Variants in GSK3B observed in about 807,000 individuals in gnomAD.
GSK3B encodes the protein glycogen synthase kinase 3 beta.
Under a neutral mutation model 56.4 loss-of-function variants are expected in GSK3B, and 15 were observed. The ratio of observed to expected loss-of-function variants is 0.27; its 90% CI spans 0.18 to 0.41. The LOEUF is 0.41. Among genes scored for constraint, GSK3B ranks in the 10% least tolerant of loss-of-function variants. GSK3B has a pLI of 1.00. For missense variants in GSK3B, 300 were observed against 513.4 expected, an observed-to-expected ratio of 0.58 and a Z score of 4.02; for synonymous variants, 181 against 188.9, an observed-to-expected ratio of 0.96 and a Z score of 0.34.
chr3:119,969,327 A>C (rs542417261), intron 2 of GSK3B, among the ~76,000 whole-genome samples: 111 of 152,154 alleles, frequency 7.3e-4, no homozygotes, highest in African/African-American at 2.7e-3. Flanking sequence ...GAAAACTATA[A>C]AACTGTTACC....
intron 3 of GSK3B, among the ~76,000 whole-genome samples, chr3:119,944,232 C>T (rs554505372): frequency 6.6e-6 from 1 of 152,204 alleles, no homozygotes; most frequent in South Asian, 2.1e-4. Context: ...TCACTGATCT[C>T]CCTCCCATAA....
chr3:119,915,981 A>G (rs2056776331), intron 5 of GSK3B, 63 bp downstream of exon 5: 1 of 1,167,634 alleles, frequency 8.6e-7, no homozygotes, highest in Admixed American at 2.0e-5. Context: ...GAATATATTT[A>G]AAAGAAGATA....
intron 2 of GSK3B, among the ~76,000 whole-genome samples, chr3:119,962,375 C>CAAAAAAAAAA (rs71156779): frequency 8.3e-6 from 1 of 120,480 alleles, no homozygotes; most frequent in Admixed American, 8.2e-5. Context: ...AACTCTGTCT[C>CAAAAAAAAAA]AAAAAAAAAA....
intron 2 of GSK3B, among the ~76,000 whole-genome samples, chr3:119,955,974 A>G (rs542171536): frequency 1.3e-5 from 2 of 152,260 alleles, no homozygotes; most frequent in South Asian, 2.1e-4. Context: ...TTTACACAAG[A>G]TATTTGTTTT....
At chr3:119,931,703 G>A (rs1028569708) in intron 3 of GSK3B, among the ~76,000 whole-genome samples, 4 of 152,096 alleles carry the variant, frequency 2.6e-5, no homozygotes, top group African/African-American at 7.2e-5. Flanking sequence ...TGGGAGGCAG[G>A]AGCTGAAAAC....
intron 9 of GSK3B, among the ~76,000 whole-genome samples, chr3:119,850,965 A>G (rs2055922602): frequency 6.6e-6 from 1 of 152,216 alleles, no homozygotes; most frequent in African/African-American, 2.4e-5. Flanking sequence ...ACCTAGAGAC[A>G]TGGTTTAAAA....
intron 7 of GSK3B, among the ~76,000 whole-genome samples, chr3:119,898,521 T>C (rs893442847): frequency 6.6e-6 from 1 of 152,140 alleles, no homozygotes; most frequent in Non-Finnish European, 1.5e-5. Context: ...ACAATATACA[T>C]ATAATAAGTA....
chr3:120,088,372 CAG>C (rs1264530413), intron 1 of GSK3B, among the ~76,000 whole-genome samples: 1 of 152,142 alleles, frequency 6.6e-6, no homozygotes, highest in Non-Finnish European at 1.5e-5. Flanking sequence ...CAGAAAATCT[CAG>C]GGAAAACAAA....
intron 2 of GSK3B, among the ~76,000 whole-genome samples, chr3:119,980,375 A>T (rs2057448398): frequency 6.6e-6 from 1 of 152,030 alleles, no homozygotes; most frequent in Non-Finnish European, 1.5e-5. Context: ...TTTTTAAGAC[A>T]GAGTTTCGCT....
intron 8 of GSK3B, among the ~76,000 whole-genome samples, chr3:119,874,376 T>A (rs186173249): frequency 1.3e-5 from 2 of 152,160 alleles, no homozygotes; most frequent in Non-Finnish European, 2.9e-5. Flanking sequence ...CAATAACTAA[T>A]AATAAAATAG....
intron 3 of GSK3B, among the ~76,000 whole-genome samples, chr3:119,925,650 T>C (rs188806735): frequency 6.6e-6 from 1 of 152,280 alleles, no homozygotes; most frequent in East Asian, 1.9e-4. Flanking sequence ...GCATTAATTA[T>C]TCCGTGTGGA....
intron 1 of GSK3B, among the ~76,000 whole-genome samples, chr3:120,079,877 T>C (rs1429152153): frequency 6.6e-6 from 1 of 152,210 alleles, no homozygotes; most frequent in Admixed American, 6.5e-5. Flanking sequence ...AATTGTACCC[T>C]ATACCAGCCA....
chr3:120,078,517 T>G (rs993392907), intron 1 of GSK3B, among the ~76,000 whole-genome samples: 1 of 151,374 alleles, frequency 6.6e-6, no homozygotes, highest in Non-Finnish European at 1.5e-5. Flanking sequence ...AGCAGAAATA[T>G]CAGAAATATC....
intron 3 of GSK3B, among the ~76,000 whole-genome samples, chr3:119,942,295 T>A (rs1308151387): frequency 2.0e-5 from 3 of 152,146 alleles, no homozygotes; most frequent in Non-Finnish European, 1.5e-5. Flanking sequence ...ACACAGTTTT[T>A]ATTTTTATTT....
At chr3:119,957,576 A>G (rs2057227760) in intron 2 of GSK3B, among the ~76,000 whole-genome samples, 1 of 152,252 alleles carries the variant, frequency 6.6e-6, no homozygotes, top group African/African-American at 2.4e-5. Context: ...ACACAACAGC[A>G]TATTATTATT....
intron 1 of GSK3B, among the ~76,000 whole-genome samples, chr3:120,085,458 C>G (rs956620794): frequency 1.3e-5 from 2 of 152,178 alleles, no homozygotes; most frequent in African/African-American, 4.8e-5. Context: ...TACTCAAAAT[C>G]TAGCATTAGA....
At chr3:119,899,824 C>T (rs1421134305) in intron 7 of GSK3B, among the ~76,000 whole-genome samples, 1 of 152,048 alleles carries the variant, frequency 6.6e-6, no homozygotes, top group Non-Finnish European at 1.5e-5. Context: ...TTCCCCTTCC[C>T]TTAATTCTAT....
chr3:119,866,304 T>C (rs1448790011), intron 8 of GSK3B, among the ~76,000 whole-genome samples: 8 of 152,204 alleles, frequency 5.3e-5, no homozygotes, highest in Admixed American at 5.2e-4. Flanking sequence ...TTTGGTTTCA[T>C]GGATCTTCAT....
intron 7 of GSK3B, among the ~76,000 whole-genome samples, chr3:119,897,420 A>C (rs144604538): frequency 1.5e-3 from 230 of 152,000 alleles, no homozygotes; most frequent in Middle Eastern, 3.4e-3. Context: ...TTGGCATCAT[A>C]TCGTATGTGT....
Sources: allele counts gnomAD v4.1 joint callset (sites outside exome capture counted in the v4.1 genomes callset), GRCh38; gene constraint gnomAD v4.1.1; transcripts MANE v1.5; gene names NCBI Gene and HGNC (gene_info 2026-07-23, HGNC 2026-07-21).